PKD1: variants seen among roughly 807,000 people sequenced by gnomAD.
PKD1 encodes the protein polycystin 1, transient receptor potential channel interacting.
A neutral mutation model predicts 361.7 loss-of-function variants in PKD1; 81 were observed. The ratio of observed to expected loss-of-function variants is 0.22; its 90% CI spans 0.19 to 0.27. The LOEUF is 0.27. Ranked by LOEUF, PKD1 falls within the 10% of genes least tolerant of loss-of-function variation. PKD1 has a pLI of 1.00. For synonymous variants in PKD1, 3,615 were observed against 2,818.3 expected (o/e 1.28, Z -8.95); for missense variants, 6,399 against 6,118.3 (o/e 1.05, Z -1.53).
chr16:2,093,553 G>A lies in PKD1; in HGVS notation c.11007C>T (p.Gly3669=). The A allele has an allele frequency of 6.2e-7, 1 of 1,601,988 alleles. No homozygotes were observed. The highest frequency in any genetic ancestry group is 8.5e-7 in the Non-Finnish European group (1 of 1,174,638). The change falls in exon 37 of 46, where the codon GGC becomes GGT. Residue 3669 remains glycine (G), a synonymous_variant. Transcript: ENST00000262304. The part of the protein sequence containing the change: ...EEARKVKRLH[G]MLRSLLVYML... ...CCGCACCCAGGCTCACCCGCAGCAT[G>A]CCATGTAGCCTCTTGACCTTGCGGG...
chr16:2,127,147 C>A (rs1336548320), intron 1 of PKD1, among the ~76,000 whole-genome samples: 1 of 152,214 alleles, frequency 6.6e-6, no homozygotes, highest in Non-Finnish European at 1.5e-5. Flanking sequence ...CCAGCGACAG[C>A]GCACACCGCC....
chr16:2,103,033 G>A (rs1328590435), intron 23 of PKD1, 63 bp from the exon 24 acceptor site: 13 of 1,557,136 alleles, frequency 8.3e-6, no homozygotes, highest in East Asian at 2.2e-5. Flanking sequence ...GGACACCCAC[G>A]ATGGCCCTCC....
Position 2,090,277 on chromosome 16 carries a change from G to A in PKD1, c.12444+8C>T, listed in dbSNP as rs1271016040. On this transcript the variant is annotated splice_region_variant and intron_variant, in intron 45 of 45. Transcript: ENST00000262304. ...GTGTCCCTCTCCCCCCCACTGGGCC[G>A]TACCCACCTCCTTGACCTTGCTGAG... The A allele has an allele frequency of 8.7e-6, 14 of 1,608,474 alleles. No homozygotes were observed. Among genetic ancestry groups the A allele is most frequent in the East Asian group, 4.5e-5 (2 of 44,772 alleles).
chr16:2,106,696 G>C lies in PKD1; in HGVS notation c.7210-19C>G, dbSNP rs551972801. The C allele has an allele frequency of 6.9e-6, 11 of 1,587,438 alleles. No individual in the cohort carries two copies. The highest frequency in any genetic ancestry group is 6.7e-5 in the Admixed American group (4 of 59,364). ...CCCACCGCTGCAGGCAGAAGGGGTGGTGAGGGGGCGCAACCCTCTGCCCTG... is the reference window on the plus strand; with the variant it reads ...CCCACCGCTGCAGGCAGAAGGGGTGCTGAGGGGGCGCAACCCTCTGCCCTG... On this transcript the variant is annotated intron_variant, in intron 17 of 45. Transcript: ENST00000262304. This position sits in a 1 kb window ranked among gnomAD's most constrained non-coding sequence, Gnocchi z 6.5.
chr16:2,091,345 C>T (rs2091560338), intron 42 of PKD1, 78 bp downstream of exon 42: 4 of 757,350 alleles, frequency 5.3e-6, no homozygotes, highest in African/African-American at 4.5e-5. Context: ...AGGGGTGAGA[C>T]GCTGCCGGGG....
intron 21 of PKD1, among the ~76,000 whole-genome samples, chr16:2,105,033 G>T (rs1567181508): frequency 8.6e-6 from 1 of 116,926 alleles, no homozygotes. Context: ...GGAGGGAAGG[G>T]GGAGGGGAGG....
In PKD1 at chr16:2,118,537, C is replaced by T. The variant is rs1380750448; in HGVS notation, c.530-75G>A. 1.5e-6 allele frequency: 2 copies of T among 1,299,086 alleles called. No individual in the cohort carries two copies. Among genetic ancestry groups the T allele is most frequent in the East Asian group, 2.5e-5 (1 of 39,876 alleles). 80.5% of individuals were successfully genotyped at this position (1,299,086 alleles called of 1,614,324 possible). A position where few individuals can be genotyped will look rare whatever the true frequency, so the allele number is the denominator to read the frequency against. ...CCCACGCCCCCACATCCGCCCGCCG[C>T]ACTCACAGGCTCCCATGCTGTTCCC... On this transcript the variant is annotated intron_variant, in intron 4 of 45. Coordinates refer to ENST00000262304, the MANE Select transcript of PKD1 (RefSeq NM_001009944.3). The surrounding 1 kb of genome is among the most constrained non-coding windows in gnomAD (Gnocchi z 6.0).
chr16:2,119,500 C>T, intron 1 of PKD1, 122 bp from the exon 2 acceptor site: 1 of 706,288 alleles, frequency 1.4e-6, no homozygotes, highest in Non-Finnish European at 2.6e-6. Flanking sequence ...GAGCTCCCCA[C>T]TCCCAGAGGT....
chr16:2,106,538 A>G lies in PKD1; in HGVS notation c.7349T>C (p.Val2450Ala). ...CTCCTCCTCGCCAGAGCGGCCCAGC[A>G]CCGTGAGCGTGAAGGTGTATCCCTC... ...DGEGYTFTLT[V>A]LGRSGEEEGC... Residue 2450 changes from valine to alanine, a missense_variant, in exon 18 of 46, where the codon GTG (valine) becomes GCG (alanine). Physicochemically the swap from Val to Ala is moderately conservative, Grantham distance 64. Transcript: ENST00000262304. This position sits in a 1 kb window ranked among gnomAD's most constrained non-coding sequence, Gnocchi z 6.5. 1.9e-6 allele frequency: 3 copies of G among 1,596,400 alleles called. No homozygotes were observed. Among genetic ancestry groups the G allele is most frequent in the South Asian group, 2.2e-5 (2 of 90,870 alleles).
At chr16:2,107,788 T>C (rs530855417) in intron 16 of PKD1, 95 bp downstream of exon 16, 49 of 1,181,270 alleles carry the variant, frequency 4.1e-5, no homozygotes, top group South Asian at 3.0e-4. Context: ...GGGGAGAGCG[T>C]GCGGCCTCCA....
In PKD1 at chr16:2,099,781, G is replaced by A. The variant is rs201154266; in HGVS notation, c.9924-11C>T. The stretch of plus-strand genomic sequence containing the variant: ...GACACATGCCCCGTGCTGTGTGGAG[G>A]AGAGGAGGCCACACAGGTGAGGCTG... On this transcript the variant is annotated splice_polypyrimidine_tract_variant and intron_variant, in intron 29 of 45. Coordinates refer to ENST00000262304, the MANE Select transcript of PKD1 (RefSeq NM_001009944.3). 1.5e-3 allele frequency: 2,395 copies of A among 1,553,660 alleles called. 3 individuals carry two copies. Among genetic ancestry groups the A allele is most frequent in the Non-Finnish European group, 1.8e-3 (2,080 of 1,148,742 alleles).
chr16:2,105,561 G>A (rs1388964847), intron 20 of PKD1, 87 bp from the exon 21 acceptor site: 3 of 1,594,616 alleles, frequency 1.9e-6, no homozygotes, highest in Non-Finnish European at 2.5e-6. Flanking sequence ...CCGGGGTGCA[G>A]TTACGTGCTA....
In PKD1 at chr16:2,100,594, G is replaced by A. The variant is rs1327317635; in HGVS notation, c.9398-28C>T. 1 of 1,593,204 alleles carries A rather than the reference G, an allele frequency of 6.3e-7. No individual in the cohort carries two copies. Among genetic ancestry groups the A allele is most frequent in the Non-Finnish European group, 8.6e-7 (1 of 1,167,774 alleles). On this transcript the variant is annotated intron_variant, in intron 26 of 45. Coordinates refer to ENST00000262304, the MANE Select transcript of PKD1 (RefSeq NM_001009944.3). The surrounding 1 kb of genome is among the most constrained non-coding windows in gnomAD (Gnocchi z 4.4). ...GGGAGGCAAGAGGGAGGGGTGGGAGGCTCGGTCTGCTGCCCAACACGTGTG... is the reference window on the plus strand; with the variant it reads ...GGGAGGCAAGAGGGAGGGGTGGGAGACTCGGTCTGCTGCCCAACACGTGTG...
chr16:2,115,565 G>T lies in PKD1; in HGVS notation c.1910C>A (p.Ala637Asp). Residue 637 changes from alanine (A) to aspartate (D), a missense_variant, in exon 10 of 46, where the codon GCC becomes GAC. Coordinates refer to ENST00000262304, the MANE Select transcript of PKD1 (RefSeq NM_001009944.3). ...SRSPDNRTQL[A>D]PACMPGGRWC... ...GCGTCCCCCTGGCATGCACGCGGGG[G>T]CCAGCTGGGTCCTGTTGTCCGGGGA... 6.3e-7 allele frequency: 1 copy of T among 1,589,528 alleles called. No individual in the cohort carries two copies. The highest frequency in any genetic ancestry group is 8.6e-7 in the Non-Finnish European group (1 of 1,166,864).
At chr16:2,129,448 G>C (rs750446736) in intron 1 of PKD1, among the ~76,000 whole-genome samples, 2 of 151,188 alleles carry the variant, frequency 1.3e-5, no homozygotes, top group Non-Finnish European at 2.9e-5. Context: ...TTTGATTTAC[G>C]TTTCCCTCAT....
chr16:2,090,147 G>A lies in PKD1; in HGVS notation c.12492C>T (p.Arg4164=), dbSNP rs536381522. Residue 4164 remains arginine (R), a synonymous_variant, in exon 46 of 46, where the codon CGC becomes CGT. Coordinates refer to ENST00000262304, the MANE Select transcript of PKD1 (RefSeq NM_001009944.3). ...RFEGMEPLPS[R]SSRGSKVSPD... ...GGGATACCTTGGAGCCCCTGGAGGA[G>A]CGAGAGGGCAGCGGCTCCATCCCTT... is the stretch of plus-strand genomic sequence containing the variant. 8.1e-6 allele frequency: 13 copies of A among 1,595,648 alleles called. No individual in the cohort carries two copies. The highest frequency in any genetic ancestry group is 6.7e-5 in the South Asian group (6 of 89,660).
rs1436089216 is a variant in PKD1, at chr16:2,089,451, G to A, written c.*276C>T. The A allele has an allele frequency of 7.6e-6, 4 of 529,210 alleles. No individual in the cohort carries two copies. The highest frequency in any genetic ancestry group is 1.0e-5 in the Non-Finnish European group (3 of 294,118). 32.8% of individuals were successfully genotyped at this position (529,210 alleles called of 1,614,324 possible). On this transcript the variant is annotated 3_prime_UTR_variant, in exon 46 of 46. Transcript: ENST00000262304. ...GGGCCGGGCACAGCCCGCTGTACCTGAGGACTCGGGGAAATAAATTAGCAT... is the reference window on the plus strand; with the variant it reads ...GGGCCGGGCACAGCCCGCTGTACCTAAGGACTCGGGGAAATAAATTAGCAT...
chr16:2,106,398 C>G lies in PKD1; in HGVS notation c.7489G>C (p.Gly2497Arg), dbSNP rs760688835. 4 of 1,589,720 alleles carry G rather than the reference C, an allele frequency of 2.5e-6. No individual in the cohort carries two copies. Among genetic ancestry groups the G allele is most frequent in the Non-Finnish European group, 3.4e-6 (4 of 1,170,072 alleles). The change falls in exon 18 of 46, where the codon GGC becomes CGC. Residue 2497 changes from glycine (G) to arginine (R), a missense_variant and splice_region_variant. Transcript: ENST00000262304. This position sits in a 1 kb window ranked among gnomAD's most constrained non-coding sequence, Gnocchi z 6.5. The part of the protein sequence containing the change: ...LTTKVHFECT[G>R]WHDAEDAGAP... The stretch of plus-strand genomic sequence containing the variant: ...TCCCCCCACGCAGGCCTGCACTCAC[C>G]CGTGCATTCGAAGTGCACCTTGGTG...
At chr16:2,101,414 G>A (rs547023568) in intron 26 of PKD1, among the ~76,000 whole-genome samples, 57 of 152,260 alleles carry the variant, frequency 3.7e-4, no homozygotes, top group Middle Eastern at 3.4e-3. Context: ...CTGGCAGGCC[G>A]AGGCAGGCGG....
Sources: allele counts gnomAD v4.1 joint callset (sites outside exome capture counted in the v4.1 genomes callset), GRCh38; gene constraint gnomAD v4.1.1; non-coding constraint Gnocchi (gnomAD v3.1); transcripts MANE v1.5; gene names NCBI Gene and HGNC (gene_info 2026-07-23, HGNC 2026-07-21).